Variants in NELL1 observed in about 807,000 individuals in gnomAD.
NELL1 encodes neural EGFL like 1, also known as protein kinase C-binding protein NELL1.
In NELL1, 76 loss-of-function variants were observed where a neutral mutation model predicts 107.4. The observed-to-expected ratio is 0.71, with a 90% CI of 0.59 to 0.86. NELL1 has a LOEUF of 0.86. Among genes scored for constraint, NELL1 ranks in the 40% least tolerant of loss-of-function variants. NELL1 has a pLI of 0.00. For missense variants in NELL1, 1,024 were observed against 1,005.5 expected (o/e 1.02, Z -0.25); for synonymous variants, 353 against 341.2 (o/e 1.03, Z -0.38).
intron 14 of NELL1, among the ~76,000 whole-genome samples, chr11:21,242,217 C>T (rs1286760906): frequency 1.3e-5 from 2 of 152,050 alleles, no homozygotes; most frequent in Admixed American, 6.6e-5. Flanking sequence ...ATTTATTTCT[C>T]ATTAACAGCT....
At chr11:20,810,554 C>G (rs577799723) in intron 3 of NELL1, among the ~76,000 whole-genome samples, 7 of 152,310 alleles carry the variant, frequency 4.6e-5, no homozygotes, top group African/African-American at 1.7e-4. Context: ...TTAATTCATT[C>G]CTTTTTATGG....
chr11:20,690,311 C>A (rs1854428223), intron 2 of NELL1, among the ~76,000 whole-genome samples: 1 of 152,174 alleles, frequency 6.6e-6, no homozygotes, highest in African/African-American at 2.4e-5. Context: ...TCAACTTTGG[C>A]TTTTGTTGCC....
chr11:21,117,791 A>G (rs1187646101), intron 13 of NELL1, among the ~76,000 whole-genome samples: 1 of 151,978 alleles, frequency 6.6e-6, no homozygotes, highest in Non-Finnish European at 1.5e-5. Context: ...AGACAGGGAA[A>G]AGAGATCCTG....
chr11:21,558,475 C>A (rs1856773973), intron 16 of NELL1, among the ~76,000 whole-genome samples: 1 of 151,562 alleles, frequency 6.6e-6, no homozygotes, highest in Non-Finnish European at 1.5e-5. Flanking sequence ...CATACAATAC[C>A]TTGTTATTAA....
chr11:20,797,934 T>C (rs772949430), intron 3 of NELL1, among the ~76,000 whole-genome samples: 1 of 152,208 alleles, frequency 6.6e-6, no homozygotes, highest in African/African-American at 2.4e-5. Flanking sequence ...AAAGGAGTAA[T>C]AATAGATGGG....
intron 2 of NELL1, among the ~76,000 whole-genome samples, chr11:20,749,542 A>G (rs2133943508): frequency 1.3e-5 from 2 of 152,280 alleles, no homozygotes; most frequent in South Asian, 4.1e-4. Context: ...TTGAGGCTGC[A>G]GTAAGCTGTG....
At chr11:21,138,873 T>G (rs965334444) in intron 13 of NELL1, among the ~76,000 whole-genome samples, 1 of 152,122 alleles carries the variant, frequency 6.6e-6, no homozygotes, top group Non-Finnish European at 1.5e-5. Context: ...TCTGCTCTTG[T>G]GCCAAAGCTC....
chr11:21,108,113 T>G (rs192509897), intron 12 of NELL1, among the ~76,000 whole-genome samples: 6 of 152,310 alleles, frequency 3.9e-5, no homozygotes, highest in African/African-American at 1.4e-4. Flanking sequence ...CCTTTTTAAA[T>G]GTACACAGGG....
intron 14 of NELL1, among the ~76,000 whole-genome samples, chr11:21,303,102 CTATATCTAT>C (rs919998886): frequency 6.6e-6 from 1 of 150,918 alleles, no homozygotes; most frequent in Non-Finnish European, 1.5e-5. Flanking sequence ...ATATCTATAT[CTATATCTAT>C]ATCTATCTTC....
chr11:21,423,782 G>A (rs566265418), intron 15 of NELL1, among the ~76,000 whole-genome samples: 8 of 152,206 alleles, frequency 5.3e-5, no homozygotes, highest in South Asian at 4.1e-4. Flanking sequence ...TATTTTTCCC[G>A]TCTACAACAG....
intron 12 of NELL1, among the ~76,000 whole-genome samples, chr11:20,994,904 C>T (rs1003436918): frequency 1.3e-5 from 2 of 152,172 alleles, no homozygotes; most frequent in African/African-American, 4.8e-5. Flanking sequence ...ACAAATTCCA[C>T]CTTGAGACAA....
chr11:20,930,959 A>T (rs958412564), intron 9 of NELL1, among the ~76,000 whole-genome samples: 2 of 152,202 alleles, frequency 1.3e-5, no homozygotes, highest in Admixed American at 1.3e-4. Flanking sequence ...GACAAACTTA[A>T]AAAGAAATGA....
In NELL1 at chr11:21,496,566, C is replaced by T. The variant is rs1351460316; in HGVS notation, c.1646-37808C>T. Among the ~76,000 whole-genome samples the T allele has an allele frequency of 2.0e-5, 3 of 151,896 alleles. No homozygotes were observed. In the East Asian group the frequency reaches 5.8e-4, roughly 30 times the overall value. Reference sequence around the variant, plus strand: ...CTGGGACTACAGGCGCGTGCCACCACCCCCAGCTAATTTTTTGTATTTTTA... The same window carrying T: ...CTGGGACTACAGGCGCGTGCCACCATCCCCAGCTAATTTTTTGTATTTTTA... On this transcript the variant is annotated intron_variant, in intron 15 of 19. Transcript: ENST00000357134.
chr11:21,462,890 T>A (rs1048499664), intron 15 of NELL1, among the ~76,000 whole-genome samples: 3 of 152,058 alleles, frequency 2.0e-5, no homozygotes, highest in African/African-American at 7.2e-5. Flanking sequence ...TTCTCAAAAG[T>A]TGCCAGAAGC....
chr11:20,890,270 C>T (rs7107856), intron 5 of NELL1, among the ~76,000 whole-genome samples: 1,991 of 152,126 alleles, frequency 0.013, 45 homozygotes, highest in African/African-American at 0.046. Flanking sequence ...GAAGAGAGAC[C>T]TGACTATTGA....
At chr11:20,881,750 A>G (rs1227872966) in intron 4 of NELL1, among the ~76,000 whole-genome samples, 1 of 151,832 alleles carries the variant, frequency 6.6e-6, no homozygotes, top group East Asian at 1.9e-4. Flanking sequence ...GGAAACATTG[A>G]ATTTAATGCA....
intron 13 of NELL1, among the ~76,000 whole-genome samples, chr11:21,204,940 G>T (rs998290983): frequency 3.3e-5 from 5 of 152,122 alleles, no homozygotes; most frequent in African/African-American, 1.2e-4. Flanking sequence ...ACCAGCAGAC[G>T]CTGCAGAACA....
intron 15 of NELL1, among the ~76,000 whole-genome samples, chr11:21,417,820 G>A (rs10833528): frequency 3.3e-5 from 5 of 151,636 alleles, no homozygotes; most frequent in African/African-American, 9.7e-5. Flanking sequence ...CCTATTAGTC[G>A]CACCTCACAT....
chr11:20,927,157 A>C lies in NELL1; in HGVS notation c.760-151A>C. On this transcript the variant is annotated intron_variant, in intron 7 of 19. Transcript: ENST00000357134. ...TTCCACCTTGTGTAAAAAAAATAAA[A>C]AAAACAAAAAACAGATAATGCTAAG... 1.2e-5 allele frequency: 8 copies of C among 669,346 alleles called. No individual in the cohort carries two copies. In the South Asian group the frequency reaches 1.8e-4, roughly 15 times the overall value. The allele number at this position is 669,346 out of a possible 1,614,324, so 41.5% of individuals were successfully genotyped here.
Sources: gnomAD v4.1 joint callset for allele counts (sites outside exome capture counted in the v4.1 genomes callset) on GRCh38, gnomAD v4.1.1 for gene constraint, MANE v1.5 for transcripts, NCBI Gene and HGNC (gene_info 2026-07-23, HGNC 2026-07-21) for gene names.